The following AFF2 variants were observed in gnomAD, a reference collection of about 807,000 sequenced individuals.
The protein encoded by AFF2 is ALF transcription elongation factor 2, also known as AF4/FMR2 family member 2.
Under a neutral mutation model 76.9 loss-of-function variants are expected in AFF2, and 14 were observed. That is an observed-to-expected ratio of 0.18 (90% CI 0.12 to 0.28). The LOEUF (loss-of-function observed/expected upper bound fraction) is 0.28. AFF2 is among the 10% of genes least tolerant of loss of function. The pLI, the probability that AFF2 is intolerant of heterozygous loss-of-function variation, is 1.00. For missense variants in AFF2, 868 were observed against 1,001.1 expected (o/e 0.87, Z 1.79); for synonymous variants, 398 against 366.7 (o/e 1.09, Z -0.98).
intron 3 of AFF2, among the ~76,000 whole-genome samples, chrX:148,666,063 A>T (rs1240889286): frequency 8.9e-6 from 1 of 111,750 alleles, no homozygotes; most frequent in Non-Finnish European, 1.9e-5. Context: ...GAATTGAGAG[A>T]TCACAAACTA....
At chrX:148,818,342 C>G (rs1557272315) in intron 4 of AFF2, among the ~76,000 whole-genome samples, 2 of 111,502 alleles carry the variant, frequency 1.8e-5, no homozygotes, top group Non-Finnish European at 3.8e-5. Flanking sequence ...GCAAAAAAAT[C>G]CTTTTACACC....
intron 3 of AFF2, among the ~76,000 whole-genome samples, chrX:148,714,604 C>T (rs1002205195): frequency 9.0e-6 from 1 of 111,106 alleles, no homozygotes; most frequent in Non-Finnish European, 1.9e-5. Context: ...TTGTGGAAGT[C>T]GTGCAGTGTC....
intron 3 of AFF2, among the ~76,000 whole-genome samples, chrX:148,753,110 T>C (rs781983502): frequency 9.0e-6 from 1 of 111,621 alleles, no homozygotes; most frequent in African/African-American, 3.3e-5. Flanking sequence ...TGTGATGATA[T>C]AGCTGTTTGT....
At chrX:148,946,619 A>G (rs1460117092) in intron 9 of AFF2, among the ~76,000 whole-genome samples, 2 of 112,575 alleles carry the variant, frequency 1.8e-5, no homozygotes, top group African/African-American at 6.5e-5. Context: ...TTCCTACTCA[A>G]GTAAGTTATT....
intron 1 of AFF2, among the ~76,000 whole-genome samples, chrX:148,629,095 A>G (rs1242407822): frequency 9.3e-6 from 1 of 107,121 alleles, no homozygotes; most frequent in Non-Finnish European, 1.9e-5. Flanking sequence ...ACTATATGAC[A>G]AGAGTTTGTG....
At chrX:148,725,860 G>C (rs1030097447) in intron 3 of AFF2, among the ~76,000 whole-genome samples, 2 of 112,198 alleles carry the variant, frequency 1.8e-5, no homozygotes, top group African/African-American at 6.5e-5. Flanking sequence ...ATGGCCAAGA[G>C]TTTCTTGAAG....
chrX:148,591,816 A>G lies in AFF2; in HGVS notation c.48-60183A>G, dbSNP rs193206284. 4.5e-3 allele frequency among the ~76,000 whole-genome samples: 511 copies of G among 112,405 alleles called. 3 individuals carry two copies. Among genetic ancestry groups the G allele is most frequent in the Non-Finnish European group, 8.0e-3 (428 of 53,263 alleles). ...TAAAAAACATCTTTTCTTTTGGACAATTGTTGCAAAACCCTGATATATCAT... is the reference window on the plus strand; with the variant it reads ...TAAAAAACATCTTTTCTTTTGGACAGTTGTTGCAAAACCCTGATATATCAT... On this transcript the variant is annotated intron_variant, in intron 1 of 20. Coordinates refer to ENST00000370460, the MANE Select transcript of AFF2 (RefSeq NM_002025.4).
chrX:148,625,533 G>A (rs566078327), intron 1 of AFF2, among the ~76,000 whole-genome samples: 5 of 110,586 alleles, frequency 4.5e-5, no homozygotes, highest in Non-Finnish European at 7.6e-5. Context: ...CCACCAATTA[G>A]AGGACACTTC....
chrX:148,784,021 A>G (rs1272214626), intron 3 of AFF2, among the ~76,000 whole-genome samples: 1 of 111,937 alleles, frequency 8.9e-6, no homozygotes, highest in African/African-American at 3.2e-5. Context: ...CAAATGCCCC[A>G]CAGCCCAACT....
intron 3 of AFF2, among the ~76,000 whole-genome samples, chrX:148,766,877 A>G (rs1275145305): frequency 3.6e-5 from 4 of 112,034 alleles, no homozygotes; most frequent in Non-Finnish European, 7.5e-5. Context: ...AAGTGCCAAA[A>G]GAAACATCAA....
intron 9 of AFF2, among the ~76,000 whole-genome samples, chrX:148,941,345 T>G (rs932565444): frequency 9.0e-6 from 1 of 111,673 alleles, no homozygotes; most frequent in African/African-American, 3.3e-5. Context: ...TTTTTCTTCT[T>G]TAAGGAAATT....
intron 3 of AFF2, among the ~76,000 whole-genome samples, chrX:148,728,819 G>A (rs1294786511): frequency 8.9e-6 from 1 of 112,110 alleles, no homozygotes; most frequent in Non-Finnish European, 1.9e-5. Flanking sequence ...ATTTGAAAAT[G>A]GGCACATATT....
intron 1 of AFF2, among the ~76,000 whole-genome samples, chrX:148,572,363 G>A (rs1569551430): frequency 1.8e-5 from 2 of 111,837 alleles, no homozygotes; most frequent in Admixed American, 9.5e-5. Context: ...TCCGCAAAAA[G>A]CTAAATATCG....
chrX:148,622,500 G>A (rs781810760), intron 1 of AFF2, among the ~76,000 whole-genome samples: 1 of 111,895 alleles, frequency 8.9e-6, no homozygotes, highest in African/African-American at 3.2e-5. Flanking sequence ...TCAACTTGTT[G>A]TGAACATTAA....
At chrX:148,833,194 A>G (rs1408582892) in intron 4 of AFF2, among the ~76,000 whole-genome samples, 1 of 111,700 alleles carries the variant, frequency 9.0e-6, no homozygotes, top group Non-Finnish European at 1.9e-5. Flanking sequence ...TGCCTAGCAC[A>G]GTGACTTTCC....
intron 4 of AFF2, among the ~76,000 whole-genome samples, chrX:148,812,924 C>G (rs912745421): frequency 1.8e-5 from 2 of 112,060 alleles, no homozygotes; most frequent in African/African-American, 6.5e-5. Context: ...TTCTTTGCCC[C>G]CCTGGGCAAA....
At chrX:148,708,732 A>G (rs1318927590) in intron 3 of AFF2, among the ~76,000 whole-genome samples, 1 of 112,501 alleles carries the variant, frequency 8.9e-6, no homozygotes, top group Admixed American at 9.4e-5. Flanking sequence ...AACAAAACAA[A>G]ACAAAATTAG....
In AFF2 at chrX:148,956,363, A is replaced by C. The variant is rs782416973; in HGVS notation, c.2318A>C (p.Asn773Thr). ...SGSNNNLSIS[N>T]EEPTFSPIPV... The stretch of plus-strand genomic sequence containing the variant: ...AGCAACAACAACTTATCCATCAGTA[A>C]TGAAGAGCCAACATTTTCACCTATT... Residue 773 changes from asparagine (N) to threonine (T), a missense_variant, in exon 11 of 21, where the codon AAT (asparagine) becomes ACT (threonine). Asn to Thr is a moderately conservative substitution (Grantham distance 65, BLOSUM62 0). Coordinates refer to ENST00000370460, the MANE Select transcript of AFF2 (RefSeq NM_002025.4). The C allele has an allele frequency of 6.6e-6, 8 of 1,211,849 alleles. No individual in the cohort carries two copies. Among genetic ancestry groups the C allele is most frequent in the Non-Finnish European group, 8.9e-6 (8 of 895,538 alleles).
At chrX:148,574,059 A>C (rs2053259264) in intron 1 of AFF2, among the ~76,000 whole-genome samples, 1 of 111,261 alleles carries the variant, frequency 9.0e-6, no homozygotes, top group East Asian at 2.8e-4. Context: ...GATTTAACCC[A>C]ATCTATATGT....
Sources: gnomAD v4.1 joint callset for allele counts (sites outside exome capture counted in the v4.1 genomes callset) on GRCh38, gnomAD v4.1.1 for gene constraint, MANE v1.5 for transcripts, NCBI Gene and HGNC (gene_info 2026-07-23, HGNC 2026-07-21) for gene names.